The following ZNRF2 variants were observed in gnomAD, a reference collection of about 807,000 sequenced individuals.
The protein encoded by ZNRF2 is zinc and ring finger 2, also known as E3 ubiquitin-protein ligase ZNRF2.
A neutral mutation model predicts 20.4 loss-of-function variants in ZNRF2; 16 were observed. That is an observed-to-expected ratio of 0.79 (90% CI 0.53 to 1.19). The LOEUF is 1.19. Ranked by LOEUF, ZNRF2 falls within the 50% of genes most tolerant of loss-of-function variation. The pLI is 0.00. For synonymous variants in ZNRF2, 178 were observed against 144.9 expected (o/e 1.23, Z -1.64); for missense variants, 363 against 332.4 (o/e 1.09, Z -0.72).
intron 1 of ZNRF2, among the ~76,000 whole-genome samples, chr7:30,305,807 A>G (rs1799191346): frequency 6.6e-6 from 1 of 152,140 alleles, no homozygotes; most frequent in African/African-American, 2.4e-5. Flanking sequence ...ATCCTCTGGT[A>G]CTTTAGTAAA....
chr7:30,312,634 A>G (rs1799309237), intron 1 of ZNRF2, among the ~76,000 whole-genome samples: 1 of 152,182 alleles, frequency 6.6e-6, no homozygotes, highest in African/African-American at 2.4e-5. Context: ...GTAAACAGAT[A>G]TTGTGATGTG....
In ZNRF2 at chr7:30,285,375, C is replaced by T. The variant is rs1437961228; in HGVS notation, c.18C>T (p.Ser6=). 1.6e-6 allele frequency: 2 copies of T among 1,221,414 alleles called. No individual in the cohort carries two copies. The highest frequency in any genetic ancestry group is 2.1e-6 in the Non-Finnish European group (2 of 965,076). The allele number at this position is 1,221,414 out of a possible 1,614,324, so 75.7% of individuals were successfully genotyped here. A position where few individuals can be genotyped will look rare whatever the true frequency, so the allele number is the denominator to read the frequency against. ...GGGCGGACATGGGCGCCAAACAGAG[C>T]GGCCCGGCCGCCGCTAACGGCCGCA... MGAKQ[S]GPAAANGRTR... The change falls in exon 1 of 5, where the codon AGC becomes AGT. Residue 6 remains serine, a synonymous_variant. Coordinates refer to ENST00000323037, the MANE Select transcript of ZNRF2 (RefSeq NM_147128.4).
rs1168581043 is a variant in ZNRF2, at chr7:30,334,471, A to G, written c.565+10734A>G. 5.3e-5 allele frequency among the ~76,000 whole-genome samples: 8 copies of G among 152,050 alleles called. No homozygotes were observed. In the East Asian group the frequency reaches 5.8e-4, roughly 11 times the overall value. ...CTCTTTGCTTAGGTTTGCTTTGGCT[A>G]TTTCTTTTGGTTCCATATGAATTTG... On this transcript the variant is annotated intron_variant, in intron 2 of 4. Transcript: ENST00000323037.
intron 1 of ZNRF2, among the ~76,000 whole-genome samples, chr7:30,315,481 A>G (rs763557470): frequency 1.3e-4 from 20 of 152,022 alleles, no homozygotes; most frequent in Non-Finnish European, 2.4e-4. Context: ...TTTTGTCAAG[A>G]ATTTTTACCT....
rs552530672 is a variant in ZNRF2, at chr7:30,341,821, G to T, written c.566-13907G>T. On this transcript the variant is annotated intron_variant, in intron 2 of 4. Coordinates refer to ENST00000323037, the MANE Select transcript of ZNRF2 (RefSeq NM_147128.4). ...ATCTGTATAATACTGACAGTGGGGT[G>T]TTAAAATCTCCCACTATTATTGTGT... 1.6e-4 allele frequency among the ~76,000 whole-genome samples: 24 copies of T among 152,220 alleles called. No individual in the cohort carries two copies. In the South Asian group the frequency reaches 5.0e-3, roughly 32 times the overall value.
At chr7:30,286,936 G>A (rs185582822) in intron 1 of ZNRF2, among the ~76,000 whole-genome samples, 57 of 152,334 alleles carry the variant, frequency 3.7e-4, no homozygotes, top group African/African-American at 1.3e-3. Context: ...GGAATACGTA[G>A]TAATTTATCC....
intron 2 of ZNRF2, among the ~76,000 whole-genome samples, chr7:30,345,469 TTCTGTTATAC>T (rs1203000445): frequency 6.6e-6 from 1 of 152,074 alleles, no homozygotes; most frequent in Admixed American, 6.6e-5. Flanking sequence ...ATATATAGTG[TTCTGTTATAC>T]CATTCAGAAC....
intron 2 of ZNRF2, among the ~76,000 whole-genome samples, chr7:30,335,128 G>A (rs1011272049): frequency 6.6e-6 from 1 of 152,056 alleles, no homozygotes; most frequent in Non-Finnish European, 1.5e-5. Flanking sequence ...CATTAATAAC[G>A]TTTGAGGACT....
intron 2 of ZNRF2, among the ~76,000 whole-genome samples, chr7:30,349,117 A>G (rs1044802394): frequency 3.3e-5 from 5 of 152,200 alleles, no homozygotes; most frequent in African/African-American, 7.2e-5. Context: ...TTTGTTTACA[A>G]TCAGCTAACA....
chr7:30,298,230 GTATATATGTATGTGTATGTA>G (rs767700679), intron 1 of ZNRF2, among the ~76,000 whole-genome samples: 6 of 151,882 alleles, frequency 4.0e-5, no homozygotes, highest in African/African-American at 1.5e-4. Flanking sequence ...ATCTGTTTGT[GTATATATGTATGTGTATGTA>G]TATATATGTA....
At chr7:30,356,135 G>T (rs116405823) in intron 3 of ZNRF2, among the ~76,000 whole-genome samples, 301 of 152,234 alleles carry the variant, frequency 2.0e-3, no homozygotes, top group African/African-American at 6.9e-3. Flanking sequence ...AATAAGCTAA[G>T]GGACAGTATG....
At chr7:30,323,878 A>G in intron 2 of ZNRF2, 141 bp downstream of exon 2, 1 of 511,586 alleles carries the variant, frequency 2.0e-6, no homozygotes, top group South Asian at 4.7e-5. Flanking sequence ...GTGGTTCTCA[A>G]ATTCTGTGAT....
intron 1 of ZNRF2, among the ~76,000 whole-genome samples, chr7:30,302,829 C>T (rs7789804): frequency 6.6e-6 from 1 of 152,126 alleles, no homozygotes; most frequent in South Asian, 2.1e-4. Flanking sequence ...CTATCTGACT[C>T]CAGGTGTGTG....
chr7:30,355,651 C>A (rs988406588), intron 2 of ZNRF2, 77 bp from the exon 3 acceptor site: 2 of 1,160,432 alleles, frequency 1.7e-6, no homozygotes, highest in Non-Finnish European at 2.5e-6. Flanking sequence ...AACTTTTTAT[C>A]AGTTAGCATT....
At chr7:30,301,543 C>T (rs766725360) in intron 1 of ZNRF2, among the ~76,000 whole-genome samples, 1 of 151,798 alleles carries the variant, frequency 6.6e-6, no homozygotes, top group Non-Finnish European at 1.5e-5. Context: ...CAATCTGGGG[C>T]ATGGTTCGCT....
At chr7:30,339,730 T>G (rs1329957608) in intron 2 of ZNRF2, among the ~76,000 whole-genome samples, 1 of 152,224 alleles carries the variant, frequency 6.6e-6, no homozygotes, top group African/African-American at 2.4e-5. Flanking sequence ...TTGCTTACGA[T>G]TGTCTTGGCT....
rs1800217415 is a variant in ZNRF2 at position 30,366,460 on chromosome 7, T to C, written c.*448T>C. ...TTTCCCCAACATAATGTTCATAATG[T>C]TTCTGCATTCATCTGTTCTTAAATT... On this transcript the variant is annotated 3_prime_UTR_variant, in exon 5 of 5. Transcript: ENST00000323037. 6.6e-6 allele frequency: 1 copy of C among 152,626 alleles called. No homozygotes were observed. The highest frequency in any genetic ancestry group is 2.1e-4 in the South Asian group (1 of 4,838). 9.5% of individuals were successfully genotyped at this position (152,626 alleles called of 1,614,324 possible). A position where few individuals can be genotyped will look rare whatever the true frequency, so the allele number is the denominator to read the frequency against.
At chr7:30,326,082 A>G (rs1345718433) in intron 2 of ZNRF2, among the ~76,000 whole-genome samples, 1 of 152,050 alleles carries the variant, frequency 6.6e-6, no homozygotes, top group African/African-American at 2.4e-5. Flanking sequence ...CTGTATGTTT[A>G]CTTTTTGTGT....
chr7:30,324,473 C>T (rs1157471380), intron 2 of ZNRF2, among the ~76,000 whole-genome samples: 2 of 150,926 alleles, frequency 1.3e-5, no homozygotes, highest in African/African-American at 4.9e-5. Context: ...CGCTTGAACC[C>T]AGGAGGCGAA....
Sources: gnomAD v4.1 joint callset for allele counts (sites outside exome capture counted in the v4.1 genomes callset) on GRCh38, gnomAD v4.1.1 for gene constraint, MANE v1.5 for transcripts, NCBI Gene and HGNC (gene_info 2026-07-23, HGNC 2026-07-21) for gene names.